DPP6: variants seen among roughly 807,000 people sequenced by gnomAD.
The protein encoded by DPP6 is dipeptidyl peptidase like 6, also known as A-type potassium channel modulatory protein DPP6.
A neutral mutation model predicts 122.6 loss-of-function variants in DPP6; 69 were observed. That is an observed-to-expected ratio of 0.56 (90% CI 0.46 to 0.69). The LOEUF (loss-of-function observed/expected upper bound fraction) is 0.69. DPP6 is among the 30% of genes least tolerant of loss of function. The pLI, the probability that DPP6 is intolerant of heterozygous loss-of-function variation, is 0.00. For synonymous variants in DPP6, 418 were observed against 433.1 expected, an observed-to-expected ratio of 0.97 and a Z score of 0.43; for missense variants, 928 against 1,116.9, an observed-to-expected ratio of 0.83 and a Z score of 2.41.
At chr7:154,560,121 A>T (rs151252643) in intron 4 of DPP6, among the ~76,000 whole-genome samples, 3 of 152,038 alleles carry the variant, frequency 2.0e-5, no homozygotes, top group Non-Finnish European at 4.4e-5. Flanking sequence ...TTACATCTAC[A>T]TGACAGAAGG....
chr7:153,931,545 A>C (rs1801169833), intron 1 of DPP6, among the ~76,000 whole-genome samples: 1 of 144,320 alleles, frequency 6.9e-6, no homozygotes, highest in Admixed American at 7.0e-5. Flanking sequence ...AACAAACAAA[A>C]AAACTAGTTA....
At chr7:154,478,306 C>T (rs1586395499) in intron 3 of DPP6, among the ~76,000 whole-genome samples, 1 of 152,058 alleles carries the variant, frequency 6.6e-6, no homozygotes, top group African/African-American at 2.4e-5. Flanking sequence ...CACAGTGTAG[C>T]AGACAAATTG....
At chr7:153,918,600 C>CAG (rs1563006362) in intron 1 of DPP6, among the ~76,000 whole-genome samples, 11 of 103,892 alleles carry the variant, frequency 1.1e-4, no homozygotes, top group African/African-American at 3.6e-4. Context: ...CTCTCTCTCT[C>CAG]TCTCTCTCTC....
At chr7:153,951,066 G>A (rs1019539163) in intron 1 of DPP6, among the ~76,000 whole-genome samples, 1 of 151,998 alleles carries the variant, frequency 6.6e-6, no homozygotes, top group African/African-American at 2.4e-5. Flanking sequence ...TGCAGTGAGG[G>A]AAACATTTCA....
the DPP6 span, among the ~76,000 whole-genome samples, chr7:153,767,947 G>C: frequency 1.3e-5 from 2 of 152,088 alleles, no homozygotes; most frequent in Admixed American, 6.5e-5. Context: ...TCAAAATTGA[G>C]ACAAGCATGA....
At chr7:154,627,699 G>C (rs922949385) in intron 5 of DPP6, among the ~76,000 whole-genome samples, 1 of 152,168 alleles carries the variant, frequency 6.6e-6, no homozygotes, top group Non-Finnish European at 1.5e-5. Context: ...TTCAACTTCC[G>C]CATCAGGACT....
rs1385547448 is a variant in DPP6, at chr7:154,127,628, C to CAG, written c.243+74566_243+74567insGA. Among the ~76,000 whole-genome samples, 241 of 106,854 alleles carry CAG rather than the reference C, an allele frequency of 2.3e-3. 1 individual carries two copies. The highest frequency in any genetic ancestry group is 0.01 in the African/African-American group (234 of 22,976). 70.1% of individuals were successfully genotyped at this position (106,854 alleles called of 152,430 possible). Reference sequence around the variant, plus strand: ...ACACACACACACACACACACACACACACACAGACACACACACACACACAGA... The same window carrying CAG: ...ACACACACACACACACACACACACACAGACACAGACACACACACACACACAGA... On this transcript the variant is annotated intron_variant, in intron 1 of 25. Coordinates refer to ENST00000377770, the MANE Select transcript of DPP6 (RefSeq NM_130797.4).
intron 1 of DPP6, among the ~76,000 whole-genome samples, chr7:154,016,524 A>T (rs1261043274): frequency 6.6e-6 from 1 of 151,940 alleles, no homozygotes; most frequent in Non-Finnish European, 1.5e-5. Context: ...GCACTTTGTG[A>T]GGCTGAGGTG....
chr7:154,076,523 G>C (rs1364552216), intron 1 of DPP6, among the ~76,000 whole-genome samples: 1 of 150,918 alleles, frequency 6.6e-6, no homozygotes, highest in East Asian at 1.9e-4. Context: ...AAAGGGAAGA[G>C]CAGATAATAC....
At chr7:154,635,565 T>C (rs1259553341) in intron 5 of DPP6, among the ~76,000 whole-genome samples, 1 of 152,230 alleles carries the variant, frequency 6.6e-6, no homozygotes, top group African/African-American at 2.4e-5. Context: ...TACCTATTGC[T>C]GTATAAGAAA....
intron 1 of DPP6, among the ~76,000 whole-genome samples, chr7:154,166,169 TTCATTC>T (rs1304665679): frequency 6.6e-6 from 1 of 152,172 alleles, no homozygotes; most frequent in African/African-American, 2.4e-5. Context: ...GACACTTTCT[TTCATTC>T]TCTATTTTAG....
intron 1 of DPP6, among the ~76,000 whole-genome samples, chr7:154,008,806 CG>C (rs1159103163): frequency 6.6e-6 from 1 of 150,550 alleles, no homozygotes; most frequent in East Asian, 2.0e-4. Context: ...GGACTACAGG[CG>C]CCCGCCACTA....
rs71182854 is a variant in DPP6 at position 153,928,396 on chromosome 7, A to ATTTTTTTTTTTTTTTTT, written c.51+40671_51+40687dup. On this transcript the variant is annotated intron_variant, in intron 1 of 25. Coordinates refer to the DPP6 transcript ENST00000404039. ...CTGGCTAATTTTTTTCTTTTCTTTC[A>ATTTTTTTTTTTTTTTTT]TTTTTTTTTTTTTTTTTTTTTTTTT... Among the ~76,000 whole-genome samples the ATTTTTTTTTTTTTTTTT allele has an allele frequency of 4.2e-3, 182 of 43,690 alleles. 27 individuals carry two copies. The highest frequency in any genetic ancestry group is 0.022 in the Middle Eastern group (1 of 46). The allele number at this position is 43,690 out of a possible 152,430, so 28.7% of individuals were successfully genotyped here. A position where few individuals can be genotyped will look rare whatever the true frequency, so the allele number is the denominator to read the frequency against.
chr7:154,825,928 C>T (rs1366825970), intron 16 of DPP6, among the ~76,000 whole-genome samples: 1 of 152,210 alleles, frequency 6.6e-6, no homozygotes, highest in African/African-American at 2.4e-5. Context: ...CAAACCAGGG[C>T]TAGCTCACAT....
At chr7:153,939,459 A>G (rs1801601422) in intron 1 of DPP6, among the ~76,000 whole-genome samples, 2 of 152,234 alleles carry the variant, frequency 1.3e-5, no homozygotes, top group Non-Finnish European at 2.9e-5. Flanking sequence ...TCAGACGTTA[A>G]ACCAACAATT....
the DPP6 span, among the ~76,000 whole-genome samples, chr7:153,818,610 C>T: frequency 6.6e-6 from 1 of 151,746 alleles, no homozygotes; most frequent in Non-Finnish European, 1.5e-5. Flanking sequence ...AACAATGACA[C>T]ATTTATCTAG....
At chr7:154,577,592 C>T (rs954008593) in intron 5 of DPP6, among the ~76,000 whole-genome samples, 1 of 152,122 alleles carries the variant, frequency 6.6e-6, no homozygotes, top group Admixed American at 6.6e-5. Flanking sequence ...TGACTCTTCT[C>T]CATGAACCAG....
intron 1 of DPP6, among the ~76,000 whole-genome samples, chr7:154,268,043 A>G (rs1414081455): frequency 2.6e-5 from 4 of 152,132 alleles, no homozygotes; most frequent in South Asian, 2.1e-4. Context: ...GGGGTCCTCA[A>G]TAGCTTCTAA....
At chr7:154,731,114 T>C (rs1842319147) in intron 8 of DPP6, among the ~76,000 whole-genome samples, 1 of 152,144 alleles carries the variant, frequency 6.6e-6, no homozygotes. Flanking sequence ...TTTTTAATAA[T>C]GGGAAAGTAA....
Sources: gnomAD v4.1 joint callset for allele counts (sites outside exome capture counted in the v4.1 genomes callset) on GRCh38, gnomAD v4.1.1 for gene constraint, MANE v1.5 for transcripts, NCBI Gene and HGNC (gene_info 2026-07-23, HGNC 2026-07-21) for gene names.